Variants in UNC5D observed in about 807,000 individuals in gnomAD.
The protein encoded by UNC5D is netrin receptor UNC5D.
A neutral mutation model predicts 105.4 loss-of-function variants in UNC5D; 39 were observed. The ratio of observed to expected loss-of-function variants is 0.37; its 90% confidence interval spans 0.29 to 0.48. UNC5D has a LOEUF of 0.48. Among genes scored for constraint, UNC5D ranks in the 20% least tolerant of loss-of-function variants. The pLI is 0.98. For synonymous variants in UNC5D, 452 were observed against 450.4 expected (o/e 1.00, Z -0.04); for missense variants, 991 against 1,202.4 (o/e 0.82, Z 2.60).
At chr8:35,548,078 TA>T (rs1815830710) in intron 1 of UNC5D, among the ~76,000 whole-genome samples, 2 of 152,194 alleles carry the variant, frequency 1.3e-5, no homozygotes, top group Non-Finnish European at 2.9e-5. Context: ...GGCAGCTGAT[TA>T]GATGGTACCC....
At chr8:35,605,797 C>A (rs754145060) in intron 4 of UNC5D, among the ~76,000 whole-genome samples, 1 of 152,098 alleles carries the variant, frequency 6.6e-6, no homozygotes, top group Non-Finnish European at 1.5e-5. Context: ...TAGTAAAGAG[C>A]ACCTCAATAC....
intron 13 of UNC5D, among the ~76,000 whole-genome samples, chr8:35,756,472 T>C (rs1426808723): frequency 1.3e-5 from 2 of 151,408 alleles, no homozygotes; most frequent in South Asian, 2.1e-4. Flanking sequence ...ACTTATGTCA[T>C]CTTATACATA....
chr8:35,772,940 C>T (rs942735511), intron 15 of UNC5D, among the ~76,000 whole-genome samples: 3 of 151,902 alleles, frequency 2.0e-5, no homozygotes, highest in Non-Finnish European at 4.4e-5. Flanking sequence ...GATACATGAC[C>T]CCCTCTATAG....
chr8:35,363,482 A>T (rs1183168567), intron 1 of UNC5D, among the ~76,000 whole-genome samples: 1 of 152,324 alleles, frequency 6.6e-6, no homozygotes, highest in East Asian at 1.9e-4. Context: ...GGATGGGGAC[A>T]CAGCCAAACC....
Position 35,726,297 on chromosome 8 carries a change from G to C in UNC5D, c.1449G>C (p.Val483=), listed in dbSNP as rs6996645. The change falls in exon 10 of 17, where the codon GTG becomes GTC. Residue 483 remains valine, a synonymous_variant. Transcript: ENST00000404895. ...TTAACCCTTTGTCGGACATCAAAGT[G>C]AAAGTCCAGAGCTCGTTCATGGTTT... ...SLFNPLSDIK[V]KVQSSFMVSL... 0.05 allele frequency: 80,127 copies of C among 1,613,852 alleles called. 9,722 individuals are homozygous for C. Among genetic ancestry groups the C allele is most frequent in the African/African-American group, 0.44 (32,689 of 74,904 alleles).
In UNC5D at chr8:35,334,521, T is replaced by TA. The variant is rs542644547; in HGVS notation, c.103+98634_103+98635insA. 1.2e-3 allele frequency among the ~76,000 whole-genome samples: 184 copies of TA among 151,944 alleles called. 2 individuals are homozygous for TA. The East Asian group carries it at 0.019, about 16-fold the overall frequency. ...AACATACAATAAACTTTTATTTATT[T>TA]TTTTTTTTGAGATGGAGTTTTGCTC... On this transcript the variant is annotated intron_variant, in intron 1 of 16. Coordinates refer to ENST00000404895, the MANE Select transcript of UNC5D (RefSeq NM_080872.4).
At chr8:35,286,647 A>G (rs150757253) in intron 1 of UNC5D, among the ~76,000 whole-genome samples, 64 of 152,238 alleles carry the variant, frequency 4.2e-4, no homozygotes, top group Admixed American at 1.4e-3. Context: ...TGATGCTCTC[A>G]TTATGTCTTC....
At chr8:35,410,009 G>A (rs549012491) in intron 1 of UNC5D, among the ~76,000 whole-genome samples, 6 of 150,514 alleles carry the variant, frequency 4.0e-5, no homozygotes, top group South Asian at 2.1e-4. Context: ...AATTTCCTTC[G>A]CATGGCCTCC....
At chr8:35,378,039 AAT>A (rs1802800709) in intron 1 of UNC5D, among the ~76,000 whole-genome samples, 1 of 151,948 alleles carries the variant, frequency 6.6e-6, no homozygotes, top group African/African-American at 2.4e-5. Flanking sequence ...GGTGATTACA[AAT>A]CACTCTGGCT....
intron 7 of UNC5D, 116 bp downstream of exon 7, chr8:35,686,825 T>A: frequency 7.5e-7 from 1 of 1,333,320 alleles, no homozygotes. Flanking sequence ...GCCAAGCTGC[T>A]AAGGGCAAAA....
chr8:35,577,292 T>C (rs1461427098), intron 3 of UNC5D, among the ~76,000 whole-genome samples: 1 of 152,230 alleles, frequency 6.6e-6, no homozygotes, highest in African/African-American at 2.4e-5. Context: ...AACAAATTCC[T>C]AGATCATGTG....
chr8:35,748,677 A>G lies in UNC5D; in HGVS notation c.1917A>G (p.Thr639=). ...GGAATATCCATTTAAAGAAGAGGAC[A>G]CAGCAGGGCAAATGGGAGGTGAGAC... ...EHWNIHLKKR[T]QQGKWEEVMS... is the part of the protein sequence containing the mutation. Residue 639 remains threonine (T), a synonymous_variant, in exon 12 of 17, where the codon ACA becomes ACG. Coordinates refer to ENST00000404895, the MANE Select transcript of UNC5D (RefSeq NM_080872.4). 2 of 1,613,622 alleles carry G rather than the reference A, an allele frequency of 1.2e-6. No homozygotes were observed. Among genetic ancestry groups the G allele is most frequent in the South Asian group, 1.1e-5 (1 of 90,956 alleles).
chr8:35,714,887 C>T (rs964289684), intron 8 of UNC5D, among the ~76,000 whole-genome samples: 1 of 151,924 alleles, frequency 6.6e-6, no homozygotes, highest in African/African-American at 2.4e-5. Context: ...CGCAGTGGCT[C>T]ACGCCTGTAA....
intron 13 of UNC5D, among the ~76,000 whole-genome samples, chr8:35,751,409 T>G (rs11992482): frequency 0.075 from 11,436 of 152,244 alleles, 1,171 homozygotes; most frequent in African/African-American, 0.23. Flanking sequence ...GGCCGATTTG[T>G]TAGTCCTACA....
chr8:35,655,649 T>A (rs980574453), intron 4 of UNC5D, among the ~76,000 whole-genome samples: 2 of 152,212 alleles, frequency 1.3e-5, no homozygotes, highest in East Asian at 3.8e-4. Context: ...GTTCATAATA[T>A]AAGATTGAAG....
chr8:35,546,864 C>T (rs966268161), intron 1 of UNC5D, among the ~76,000 whole-genome samples: 3 of 152,180 alleles, frequency 2.0e-5, no homozygotes, highest in Non-Finnish European at 4.4e-5. Context: ...GACATATACA[C>T]ATTTTATTTT....
In UNC5D at chr8:35,442,904, T is replaced by TCTCACACA. The variant is rs1246705327; in HGVS notation, c.104-106387_104-106386insTCACACAC. On this transcript the variant is annotated intron_variant, in intron 1 of 16. Transcript: ENST00000404895. ...CTCTGTTTCTCTCTCTCTCTCTCTC[T>TCTCACACA]CACACACACACACACACACACACAC... 2.4e-3 allele frequency among the ~76,000 whole-genome samples: 336 copies of TCTCACACA among 141,344 alleles called. 1 individual carries two copies. Among genetic ancestry groups the TCTCACACA allele is most frequent in the African/African-American group, 8.4e-3 (309 of 36,920 alleles). The allele number at this position is 141,344 out of a possible 152,430, so 92.7% of individuals were successfully genotyped here. A position where few individuals can be genotyped will look rare whatever the true frequency, so the allele number is the denominator to read the frequency against.
At chr8:35,680,692 T>A (rs1197165117) in intron 4 of UNC5D, among the ~76,000 whole-genome samples, 1 of 152,214 alleles carries the variant, frequency 6.6e-6, no homozygotes, top group Non-Finnish European at 1.5e-5. Flanking sequence ...GAGCCAAGAC[T>A]CCTTTAGGGC....
intron 4 of UNC5D, among the ~76,000 whole-genome samples, chr8:35,611,412 A>T (rs189106473): frequency 4.2e-4 from 64 of 152,320 alleles, no homozygotes; most frequent in Non-Finnish European, 8.4e-4. Context: ...GTGACCACCA[A>T]TGTTTGTTCA....
Sources: gnomAD v4.1 joint callset for allele counts (sites outside exome capture counted in the v4.1 genomes callset) on GRCh38, gnomAD v4.1.1 for gene constraint, MANE v1.5 for transcripts, NCBI Gene and HGNC (gene_info 2026-07-23, HGNC 2026-07-21) for gene names.